Variants in NKAIN3 observed in about 807,000 individuals in gnomAD.
The protein encoded by NKAIN3 is sodium/potassium-transporting ATPase subunit beta-1-interacting protein 3.
NKAIN3 carries 25 observed loss-of-function variants against 30.2 expected under a neutral mutation model. The ratio of observed to expected loss-of-function variants is 0.83; its 90% CI spans 0.60 to 1.16. The LOEUF is 1.16. NKAIN3 is among the 50% of genes most tolerant of loss of function. The pLI, the probability that NKAIN3 is intolerant of heterozygous loss-of-function variation, is 0.00. For synonymous variants in NKAIN3, 91 were observed against 89.6 expected (o/e 1.02, Z -0.09); for missense variants, 225 against 254.1 (o/e 0.89, Z 0.78).
At chr8:62,451,128 G>C (rs1033385694) in intron 1 of NKAIN3, among the ~76,000 whole-genome samples, 4 of 152,176 alleles carry the variant, frequency 2.6e-5, no homozygotes, top group Non-Finnish European at 4.4e-5. Flanking sequence ...TATCACCCAT[G>C]ACTATGGTTA....
At chr8:62,742,681 C>G (rs554619312) in intron 3 of NKAIN3, among the ~76,000 whole-genome samples, 7 of 152,248 alleles carry the variant, frequency 4.6e-5, no homozygotes, top group Admixed American at 4.6e-4. Context: ...TAGTCTATTT[C>G]CAAGAAGTAA....
At chr8:62,541,010 A>G (rs1388952130) in intron 1 of NKAIN3, among the ~76,000 whole-genome samples, 2 of 152,246 alleles carry the variant, frequency 1.3e-5, no homozygotes, top group East Asian at 3.9e-4. Flanking sequence ...CCAGTGTTGG[A>G]TTAAAAAGTC....
chr8:62,872,742 CA>C (rs1820684722), intron 4 of NKAIN3, among the ~76,000 whole-genome samples: 1 of 152,114 alleles, frequency 6.6e-6, no homozygotes, highest in Non-Finnish European at 1.5e-5. Flanking sequence ...ATTTTCAACT[CA>C]GAATTTCATA....
intron 5 of NKAIN3, among the ~76,000 whole-genome samples, chr8:62,934,269 T>C (rs1443251471): frequency 1.3e-5 from 2 of 151,280 alleles, no homozygotes; most frequent in Non-Finnish European, 2.9e-5. Context: ...TGCTTGCTGC[T>C]TGGAAGGCTG....
chr8:62,333,052 GT>G (rs1172886485), intron 1 of NKAIN3, among the ~76,000 whole-genome samples: 2 of 152,038 alleles, frequency 1.3e-5, no homozygotes, highest in African/African-American at 4.8e-5. Flanking sequence ...TCATGAGATT[GT>G]TTTTTAAAAT....
intron 4 of NKAIN3, among the ~76,000 whole-genome samples, chr8:62,750,364 G>A (rs1485476737): frequency 6.6e-6 from 1 of 152,010 alleles, no homozygotes; most frequent in Non-Finnish European, 1.5e-5. Flanking sequence ...TCGCGTGAGT[G>A]GAGCTTGGAA....
chr8:62,865,716 A>G (rs1426225307), intron 4 of NKAIN3, among the ~76,000 whole-genome samples: 1 of 152,212 alleles, frequency 6.6e-6, no homozygotes, highest in African/African-American at 2.4e-5. Flanking sequence ...TCAAGTTGGA[A>G]CCAAGAAATA....
In NKAIN3 at chr8:62,589,725, G is replaced by C. The variant is rs757432875; in HGVS notation, c.204G>C (p.Trp68Cys). 1 of 1,587,830 alleles carries C rather than the reference G, an allele frequency of 6.3e-7. No homozygotes were observed. Among genetic ancestry groups the C allele is most frequent in the South Asian group, 1.1e-5 (1 of 89,858 alleles). ...RPRYIMVYTV[W>C]TALWVTWNVF... ...CCATTTCTATCTAGTATACAGTGTG[G>C]ACTGCCCTCTGGGTCACCTGGAATG... is the stretch of plus-strand genomic sequence containing the variant. The change falls in exon 3 of 7, where the codon TGG (tryptophan) becomes TGC (cysteine). Residue 68 changes from tryptophan (W) to cysteine (C), a missense_variant. By Grantham distance (215) the Trp-to-Cys change is radical. Transcript: ENST00000623646.
chr8:62,462,989 C>CCCAGCTATTT (rs574166752), intron 1 of NKAIN3, among the ~76,000 whole-genome samples: 2 of 152,212 alleles, frequency 1.3e-5, no homozygotes, highest in Non-Finnish European at 2.9e-5. Flanking sequence ...ACTGCTTTCT[C>CCCAGCTATTT]CCAGCTATTT....
chr8:62,432,160 G>T (rs920878365), intron 1 of NKAIN3, among the ~76,000 whole-genome samples: 1 of 151,706 alleles, frequency 6.6e-6, no homozygotes, highest in Non-Finnish European at 1.5e-5. Context: ...GCACAAAAAG[G>T]TCTCTGATGT....
At chr8:62,635,778 T>TTTG (rs1261731915) in intron 3 of NKAIN3, among the ~76,000 whole-genome samples, 1 of 152,154 alleles carries the variant, frequency 6.6e-6, no homozygotes, top group African/African-American at 2.4e-5. Flanking sequence ...AGAAATAAAT[T>TTTG]TTGTTGTTTA....
At chr8:62,653,892 C>T (rs1488249412) in intron 3 of NKAIN3, among the ~76,000 whole-genome samples, 2 of 152,088 alleles carry the variant, frequency 1.3e-5, no homozygotes, top group Admixed American at 1.3e-4. Flanking sequence ...TAGAGAGAAA[C>T]TCAAAATTGA....
chr8:62,577,159 T>C (rs1307201288), intron 1 of NKAIN3, among the ~76,000 whole-genome samples: 1 of 152,138 alleles, frequency 6.6e-6, no homozygotes, highest in Non-Finnish European at 1.5e-5. Flanking sequence ...ATATGCTCCC[T>C]TCTCTGTTTT....
intron 4 of NKAIN3, among the ~76,000 whole-genome samples, chr8:62,900,235 G>T (rs555992327): frequency 1.6e-3 from 93 of 58,136 alleles, no homozygotes; most frequent in African/African-American, 0.013. Flanking sequence ...CTCATATCTT[G>T]TATTCTTGTG....
chr8:62,371,314 G>A (rs1816901482), intron 1 of NKAIN3, among the ~76,000 whole-genome samples: 1 of 151,608 alleles, frequency 6.6e-6, no homozygotes, highest in Non-Finnish European at 1.5e-5. Flanking sequence ...TTATGTTTAG[G>A]TGTTTTTGGA....
Position 62,973,782 on chromosome 8 carries a change from G to C in NKAIN3, c.*8375G>C, listed in dbSNP as rs1823885167. On this transcript the variant is annotated 3_prime_UTR_variant, in exon 7 of 7. Coordinates refer to ENST00000623646, the MANE Select transcript of NKAIN3 (RefSeq NM_001304533.3). ...GGTATTGCTTAGGTTTTCTTCTAGG[G>C]TTTTAATGGCTTTGGGTTTTACATT... is the stretch of plus-strand genomic sequence containing the variant. Among the ~76,000 whole-genome samples the C allele has an allele frequency of 6.6e-6, 1 of 152,120 alleles. No individual in the cohort carries two copies.
intron 1 of NKAIN3, among the ~76,000 whole-genome samples, chr8:62,548,610 T>C (rs1412592881): frequency 6.6e-6 from 1 of 152,148 alleles, no homozygotes; most frequent in Non-Finnish European, 1.5e-5. Flanking sequence ...AAGCAAATTA[T>C]GGCACGTCAA....
intron 4 of NKAIN3, among the ~76,000 whole-genome samples, chr8:62,829,216 A>G (rs573470022): frequency 1.4e-4 from 22 of 152,328 alleles, no homozygotes; most frequent in Admixed American, 1.3e-3. Flanking sequence ...TGTCAACCTC[A>G]GCAACCTGAA....
In NKAIN3 at chr8:62,562,966, T is replaced by G. The variant is rs115209089; in HGVS notation, c.55-16573T>G. Among the ~76,000 whole-genome samples, 631 of 152,214 alleles carry G rather than the reference T, an allele frequency of 4.1e-3. 3 individuals are homozygous for G. Among genetic ancestry groups the G allele is most frequent in the African/African-American group, 0.014 (592 of 41,554 alleles). On this transcript the variant is annotated intron_variant, in intron 1 of 6. Coordinates refer to ENST00000623646, the MANE Select transcript of NKAIN3 (RefSeq NM_001304533.3). ...GTCTCATGCTGGGTTGCCATTTACG[T>G]AAAACCACTGTGGGAGTCTTAAATG...
Sources: allele counts gnomAD v4.1 joint callset (sites outside exome capture counted in the v4.1 genomes callset), GRCh38; gene constraint gnomAD v4.1.1; transcripts MANE v1.5; gene names NCBI Gene and HGNC (gene_info 2026-07-23, HGNC 2026-07-21).